Variants in TENM2 observed in about 807,000 individuals in gnomAD.
TENM2 encodes teneurin-2.
In TENM2, 52 loss-of-function variants were observed where a neutral mutation model predicts 245.2. The observed-to-expected ratio is 0.21, with a 90% confidence interval of 0.17 to 0.27. TENM2 has a LOEUF of 0.27. TENM2 is among the 10% of genes least tolerant of loss of function. The pLI is 1.00. For synonymous variants in TENM2, 1,363 were observed against 1,438.9 expected (o/e 0.95, Z 1.19); for missense variants, 3,046 against 3,666.8 (o/e 0.83, Z 4.37).
At chr5:167,902,077 G>C (rs573039146) in intron 3 of TENM2, among the ~76,000 whole-genome samples, 3,992 of 152,082 alleles carry the variant, frequency 0.026, 172 homozygotes, top group African/African-American at 0.09. Context: ...TCCATTTCTT[G>C]AGGCCATCTT....
chr5:167,169,603 G>A, the TENM2 span, among the ~76,000 whole-genome samples: 6 of 152,174 alleles, frequency 3.9e-5, no homozygotes, highest in African/African-American at 1.4e-4. Flanking sequence ...ACACTCAGCG[G>A]TGTGCATAGA....
chr5:167,942,366 T>C (rs1779254814), intron 3 of TENM2, among the ~76,000 whole-genome samples: 1 of 152,190 alleles, frequency 6.6e-6, no homozygotes, highest in Admixed American at 6.5e-5. Context: ...ATTAACCACC[T>C]TTTACAGATG....
intron 2 of TENM2, among the ~76,000 whole-genome samples, chr5:167,503,494 G>A (rs961338956): frequency 6.7e-6 from 1 of 150,260 alleles, no homozygotes; most frequent in South Asian, 2.2e-4. Flanking sequence ...TAATCTAAAT[G>A]TATGTGTCAG....
chr5:167,382,679 T>C (rs1761161452), intron 2 of TENM2, among the ~76,000 whole-genome samples: 1 of 152,124 alleles, frequency 6.6e-6, no homozygotes, highest in African/African-American at 2.4e-5. Context: ...CTGAGGGGAA[T>C]AAAAAAGATA....
chr5:167,577,855 G>A (rs1396911365), intron 2 of TENM2, among the ~76,000 whole-genome samples: 2 of 152,174 alleles, frequency 1.3e-5, no homozygotes, highest in Non-Finnish European at 2.9e-5. Context: ...GCGCCAAACA[G>A]CCTACTGGAC....
At chr5:167,743,436 G>A (rs115769214) in intron 2 of TENM2, among the ~76,000 whole-genome samples, 176 of 152,200 alleles carry the variant, frequency 1.2e-3, no homozygotes, top group African/African-American at 4.0e-3. Context: ...AAGAGGCCAC[G>A]ATTCTTAAAT....
At chr5:168,104,003 G>GGTTGGTTT (rs1021008909) in intron 9 of TENM2, among the ~76,000 whole-genome samples, 2 of 149,886 alleles carry the variant, frequency 1.3e-5, no homozygotes, top group African/African-American at 4.9e-5. Flanking sequence ...TTTCTTTTCT[G>GGTTGGTTT]GTTTGTTTGT....
At chr5:167,829,340 A>G (rs1005029208) in intron 2 of TENM2, among the ~76,000 whole-genome samples, 2 of 152,242 alleles carry the variant, frequency 1.3e-5, no homozygotes, top group African/African-American at 2.4e-5. Context: ...CAGTCTGGCT[A>G]CTAAAACCCC....
chr5:168,062,804 G>T (rs1790158874), intron 7 of TENM2, among the ~76,000 whole-genome samples: 2 of 152,188 alleles, frequency 1.3e-5, no homozygotes, highest in Admixed American at 1.3e-4. Flanking sequence ...CCGTTTATGT[G>T]TTTTGTCCAG....
chr5:167,398,394 CTTTCTTTCTTTCTTTCTT>C (rs1374697022), intron 2 of TENM2, among the ~76,000 whole-genome samples: 8 of 34,952 alleles, frequency 2.3e-4, no homozygotes, highest in African/African-American at 1.3e-3. Context: ...TTCTTTCTTT[CTTTCTTTCTTTCTTTCTT>C]TCTCTCTCTC....
intron 2 of TENM2, among the ~76,000 whole-genome samples, chr5:167,681,854 G>A (rs1386067507): frequency 2.0e-5 from 3 of 152,008 alleles, no homozygotes; most frequent in Non-Finnish European, 4.4e-5. Flanking sequence ...GTGACTTCTA[G>A]ATGTTACTTC....
chr5:167,864,672 A>T (rs1772144126), intron 2 of TENM2, among the ~76,000 whole-genome samples: 2 of 152,242 alleles, frequency 1.3e-5, no homozygotes. Flanking sequence ...CTGTGGCATG[A>T]GGTCTAAAAT....
upstream of TENM2, among the ~76,000 whole-genome samples, chr5:167,280,059 C>T (rs1296229871): frequency 2.0e-5 from 3 of 152,144 alleles, no homozygotes; most frequent in African/African-American, 7.2e-5. Context: ...TTGCTGTTGA[C>T]AGAGGAAGGA....
At chr5:167,592,480 C>T (rs1775944600) in intron 2 of TENM2, among the ~76,000 whole-genome samples, 1 of 152,146 alleles carries the variant, frequency 6.6e-6, no homozygotes, top group Non-Finnish European at 1.5e-5. Flanking sequence ...ACAAGGCAGC[C>T]CAGAGCCTTC....
the TENM2 span, among the ~76,000 whole-genome samples, chr5:167,121,414 A>G: frequency 2.0e-5 from 3 of 152,228 alleles, no homozygotes; most frequent in East Asian, 5.8e-4. Context: ...AAGATCTGAC[A>G]GAAGAATGCA....
At chr5:167,953,169 G>A (rs1421005542) in intron 4 of TENM2, among the ~76,000 whole-genome samples, 1 of 152,128 alleles carries the variant, frequency 6.6e-6, no homozygotes, top group African/African-American at 2.4e-5. Context: ...TTATGCATTT[G>A]GCCTTTCTTG....
At chr5:167,685,873 AG>A (rs149116225) in intron 2 of TENM2, among the ~76,000 whole-genome samples, 11,194 of 152,250 alleles carry the variant, frequency 0.074, 521 homozygotes, top group Non-Finnish European at 0.11. Context: ...CTTTTTCAAC[AG>A]TGTATGGTTG....
intron 2 of TENM2, among the ~76,000 whole-genome samples, chr5:167,774,630 T>A (rs1327955695): frequency 3.9e-5 from 6 of 152,186 alleles, no homozygotes; most frequent in African/African-American, 1.2e-4. Flanking sequence ...TTGCCTAAGA[T>A]GGTTTATTAA....
intron 5 of TENM2, among the ~76,000 whole-genome samples, chr5:168,041,594 C>T (rs779412662): frequency 1.3e-5 from 2 of 152,168 alleles, no homozygotes; most frequent in Non-Finnish European, 2.9e-5. Context: ...AAGAAATTTT[C>T]AATGCATCCC....
Sources: gnomAD v4.1 joint callset for allele counts (sites outside exome capture counted in the v4.1 genomes callset) on GRCh38, gnomAD v4.1.1 for gene constraint, MANE v1.5 for transcripts, NCBI Gene and HGNC (gene_info 2026-07-23, HGNC 2026-07-21) for gene names.